Variants in XKR5 observed in about 807,000 individuals in gnomAD.
XKR5 encodes the protein XK-related protein 5.
XKR5 carries 46 observed loss-of-function variants against 40.8 expected under a neutral mutation model. The observed-to-expected ratio is 1.13, with a 90% CI of 0.89 to 1.44. The LOEUF is 1.44. Among genes scored for constraint, XKR5 ranks in the 40% most tolerant of loss-of-function variants. The pLI, the probability that XKR5 is intolerant of heterozygous loss-of-function variation, is 0.00. For synonymous variants in XKR5, 466 were observed against 356.1 expected (o/e 1.31, Z -3.48); for missense variants, 1,169 against 844.7 (o/e 1.38, Z -4.76).
At position 6,811,653 on chromosome 8, in the gene XKR5, C is replaced by T. The variant is rs932800888; in HGVS notation, c.1606G>A (p.Gly536Arg). The T allele has an allele frequency of 4.6e-6, 7 of 1,537,620 alleles. No homozygotes were observed. The highest frequency in any genetic ancestry group is 4.4e-6 in the Non-Finnish European group (5 of 1,147,008). Reference sequence around the variant, plus strand: ...AAGTACAACGTGGAACTCTGCTGTCCTTCCCCTCCTCTCTGCTGCCCACCT... The same window carrying T: ...AAGTACAACGTGGAACTCTGCTGTCTTTCCCCTCCTCTCTGCTGCCCACCT... ...GTGGQQRGGE[G>R]QQSSTLYFSA... Residue 536 changes from glycine (G) to arginine (R), a missense_variant, in exon 7 of 7, where the codon GGA becomes AGA. Transcript: ENST00000618742.
chr8:6,824,501 G>A (rs921242740), intron 3 of XKR5, among the ~76,000 whole-genome samples: 3 of 152,068 alleles, frequency 2.0e-5, no homozygotes, highest in African/African-American at 4.8e-5. Context: ...GGCTTTGAAG[G>A]TATAAGCCTC....
At position 6,811,973 on chromosome 8, in the gene XKR5, G is replaced by A. The variant is rs978322366; in HGVS notation, c.1286C>T (p.Pro429Leu). The A allele has an allele frequency of 2.0e-6, 3 of 1,537,204 alleles. No individual in the cohort carries two copies. In the East Asian group the frequency reaches 7.3e-5, roughly 38 times the overall value. Residue 429 changes from proline (P) to leucine (L), a missense_variant, in exon 7 of 7, where the codon CCT (proline) becomes CTT (leucine). Physicochemically the swap from Pro to Leu is moderately conservative, Grantham distance 98. Coordinates refer to ENST00000618742, the MANE Select transcript of XKR5 (RefSeq NM_207411.5). ...KINAAFGDNS[P>L]AYCPPAWGLS... is the part of the protein sequence containing the mutation. ...CCCCCATGCAGGTGGACAATAGGCA[G>A]GACTGTTATCTCCAAAGGCGGCATT...
At chr8:6,831,234 C>T (rs1223631750) in intron 2 of XKR5, among the ~76,000 whole-genome samples, 1 of 152,226 alleles carries the variant, frequency 6.6e-6, no homozygotes, top group African/African-American at 2.4e-5. Flanking sequence ...ACAGGAGAGG[C>T]TCTGACCCTA....
In XKR5 at chr8:6,810,936, A is replaced by T; in HGVS notation, c.*262T>A. ...ACCTACAGCTCATAAAAGGTAGCAG[A>T]CAATTTTGACTGGAATCTCTTTCTC... On this transcript the variant is annotated 3_prime_UTR_variant, in exon 7 of 7. Transcript: ENST00000618742. 1 of 330,170 alleles carries T rather than the reference A, an allele frequency of 3.0e-6. No individual in the cohort carries two copies. Among genetic ancestry groups the T allele is most frequent in the Non-Finnish European group, 5.5e-6 (1 of 182,464 alleles). 20.5% of individuals were successfully genotyped at this position (330,170 alleles called of 1,614,324 possible). A position where few individuals can be genotyped will look rare whatever the true frequency, so the allele number is the denominator to read the frequency against.
intron 5 of XKR5, 112 bp from the exon 6 acceptor site, chr8:6,816,030 G>A: frequency 1.4e-6 from 1 of 732,860 alleles, no homozygotes; most frequent in East Asian, 2.8e-5. Context: ...AGTGCCCACT[G>A]GAGACTCCAG....
intron 6 of XKR5, 82 bp from the exon 7 acceptor site, chr8:6,812,421 C>T (rs1308186258): frequency 7.1e-7 from 1 of 1,400,506 alleles, no homozygotes; most frequent in Non-Finnish European, 9.4e-7. Context: ...AGGTTCTGGC[C>T]CTTTTGTGTA....
chr8:6,822,319 A>G (rs1348309174), intron 4 of XKR5, among the ~76,000 whole-genome samples: 2 of 152,240 alleles, frequency 1.3e-5, no homozygotes, highest in African/African-American at 4.8e-5. Context: ...TTGTATACCT[A>G]TGACCTTTTT....
rs1803575483 is a variant in XKR5 at position 6,809,264 on chromosome 8, A to C, written c.*1934T>G. On this transcript the variant is annotated 3_prime_UTR_variant, in exon 7 of 7. Coordinates refer to ENST00000618742, the MANE Select transcript of XKR5 (RefSeq NM_207411.5). Reference sequence around the variant, plus strand: ...ACTGAGATGCTGGGATAGCACAGTGAATGGAACTATGAATGATTTTGTTCT... The same window carrying C: ...ACTGAGATGCTGGGATAGCACAGTGCATGGAACTATGAATGATTTTGTTCT... 6.6e-6 allele frequency: 1 copy of C among 151,838 alleles called. No homozygotes were observed. Among genetic ancestry groups the C allele is most frequent in the Non-Finnish European group, 1.5e-5 (1 of 68,012 alleles). 9.4% of individuals were successfully genotyped at this position (151,838 alleles called of 1,614,324 possible). A position where few individuals can be genotyped will look rare whatever the true frequency, so the allele number is the denominator to read the frequency against.
intron 6 of XKR5, among the ~76,000 whole-genome samples, chr8:6,813,873 G>A (rs749507633): frequency 4.6e-5 from 7 of 152,188 alleles, no homozygotes; most frequent in African/African-American, 1.4e-4. Flanking sequence ...ACAGGTTTTC[G>A]GAGTGGTGTA....
rs140590670 is a variant in XKR5, at chr8:6,817,258, G to A, written c.808-1340C>T. Among the ~76,000 whole-genome samples the A allele has an allele frequency of 5.4e-3, 816 of 152,202 alleles. 4 individuals are homozygous for A. Among genetic ancestry groups the A allele is most frequent in the African/African-American group, 0.019 (770 of 41,522 alleles). On this transcript the variant is annotated intron_variant, in intron 5 of 6. Coordinates refer to ENST00000618742, the MANE Select transcript of XKR5 (RefSeq NM_207411.5). Reference sequence around the variant, plus strand: ...TTCCTCCCCGATGCACCTTGAAACAGCCCCACCTTAACTTCAGGATCCAGT... The same window carrying A: ...TTCCTCCCCGATGCACCTTGAAACAACCCCACCTTAACTTCAGGATCCAGT...
rs940211566 is a variant in XKR5, at chr8:6,811,109, C to G, written c.*89G>C. ...GGTGACAGTGATGTGCCCAAGGACA[C>G]AGGTGTCAGAAGTGGGATTTCCTTT... On this transcript the variant is annotated 3_prime_UTR_variant, in exon 7 of 7. Coordinates refer to ENST00000618742, the MANE Select transcript of XKR5 (RefSeq NM_207411.5). 1 of 1,275,630 alleles carries G rather than the reference C, an allele frequency of 7.8e-7. No homozygotes were observed. Among genetic ancestry groups the G allele is most frequent in the African/African-American group, 1.5e-5 (1 of 66,992 alleles). 79.0% of individuals were successfully genotyped at this position (1,275,630 alleles called of 1,614,324 possible).
chr8:6,821,762 A>G, intron 5 of XKR5, 107 bp downstream of exon 5: 1 of 913,900 alleles, frequency 1.1e-6, no homozygotes, highest in East Asian at 3.0e-5. Flanking sequence ...TTTTCAATAG[A>G]TAGGTGTGCA....
At chr8:6,825,405 G>T in intron 2 of XKR5, 56 bp from the exon 3 acceptor site, 1 of 1,448,544 alleles carries the variant, frequency 6.9e-7, no homozygotes, top group Non-Finnish European at 9.1e-7. Flanking sequence ...AGATTCAATA[G>T]GACGAGCTTT....
In XKR5 at chr8:6,810,973, T is replaced by C. The variant is rs77370020; in HGVS notation, c.*225A>G. On this transcript the variant is annotated 3_prime_UTR_variant, in exon 7 of 7. Coordinates refer to ENST00000618742, the MANE Select transcript of XKR5 (RefSeq NM_207411.5). ...GGAATCTCTTTCTCCTCCTCTAAAG[T>C]ATGTTAGAGTCTCTCCTATGCATGG... is the stretch of plus-strand genomic sequence containing the variant. The C allele has an allele frequency of 5.4e-3, 2,290 of 427,932 alleles. 54 individuals carry two copies. Among genetic ancestry groups the C allele is most frequent in the African/African-American group, 0.04 (2,006 of 49,534 alleles). The allele number at this position is 427,932 out of a possible 1,614,324, so 26.5% of individuals were successfully genotyped here.
At position 6,811,434 on chromosome 8, in the gene XKR5, C is replaced by T. The variant is rs536672625; in HGVS notation, c.1825G>A (p.Gly609Ser). The change falls in exon 7 of 7, where the codon GGC becomes AGC. Residue 609 changes from glycine (G) to serine (S), a missense_variant. Physicochemically the swap from Gly to Ser is moderately conservative, Grantham distance 56 (BLOSUM62 0). Coordinates refer to ENST00000618742, the MANE Select transcript of XKR5 (RefSeq NM_207411.5). Reference protein sequence around the residue: ...SPILGTGPCRGFCPSAGFPGR... With the variant: ...SPILGTGPCRSFCPSAGFPGR... ...GGGAAGCCTGCACTGGGGCAGAAGC[C>T]TCTACATGGGCCTGTGCCTAGGATG... The T allele has an allele frequency of 1.3e-6, 2 of 1,536,814 alleles. No individual in the cohort carries two copies. The highest frequency in any genetic ancestry group is 2.4e-5 in the East Asian group (1 of 40,914).
At chr8:6,817,080 C>T (rs1803991791) in intron 5 of XKR5, among the ~76,000 whole-genome samples, 1 of 152,188 alleles carries the variant, frequency 6.6e-6, no homozygotes, top group Non-Finnish European at 1.5e-5. Flanking sequence ...TTTGTCCCAA[C>T]TCCGTCACCT....
chr8:6,829,283 T>G, intron 2 of XKR5: 1 of 169,406 alleles, frequency 5.9e-6, no homozygotes, highest in Middle Eastern at 5.2e-4. Context: ...CATCTCATGC[T>G]GCATTTACAA....
At chr8:6,817,116 G>A (rs967477335) in intron 5 of XKR5, among the ~76,000 whole-genome samples, 2 of 151,952 alleles carry the variant, frequency 1.3e-5, no homozygotes, top group African/African-American at 4.8e-5. Flanking sequence ...CGCCATTTCC[G>A]TGGTTCTGGC....
In XKR5 at chr8:6,811,239, A is replaced by G. The variant is rs950078278; in HGVS notation, c.2020T>C (p.Cys674Arg). The G allele has an allele frequency of 6.5e-7, 1 of 1,537,162 alleles. No individual in the cohort carries two copies. Among genetic ancestry groups the G allele is most frequent in the African/African-American group, 1.4e-5 (1 of 73,054 alleles). ...GGCTCTTGCTTCATCTGTTCCCTGCAGCTGCAGTCCGTTTGGATAGACTCA... is the reference window on the plus strand; with the variant it reads ...GGCTCTTGCTTCATCTGTTCCCTGCGGCTGCAGTCCGTTTGGATAGACTCA... ...KSESIQTDCS[C>R]REQMKQEPSF... The change falls in exon 7 of 7, where the codon TGC becomes CGC. Residue 674 changes from cysteine to arginine, a missense_variant. Transcript: ENST00000618742.
Sources: allele counts gnomAD v4.1 joint callset (sites outside exome capture counted in the v4.1 genomes callset), GRCh38; gene constraint gnomAD v4.1.1; transcripts MANE v1.5; gene names NCBI Gene and HGNC (gene_info 2026-07-23, HGNC 2026-07-21).